IL1RAPL1: variants seen among roughly 807,000 people sequenced by gnomAD.
IL1RAPL1 encodes interleukin-1 receptor accessory protein-like 1.
Under a neutral mutation model 48.4 loss-of-function variants are expected in IL1RAPL1, and 3 were observed. The ratio of observed to expected loss-of-function variants is 0.06; its 90% CI spans 0.03 to 0.16. The LOEUF is 0.16. Ranked by LOEUF, IL1RAPL1 falls within the 10% of genes least tolerant of loss-of-function variation. IL1RAPL1 has a pLI of 1.00. For missense variants in IL1RAPL1, 349 were observed against 530.6 expected (o/e 0.66, Z 3.36); for synonymous variants, 185 against 187.7 (o/e 0.99, Z 0.12).
At position 28,804,139 on chromosome X, in the gene IL1RAPL1, G is replaced by C. The variant is rs140526591; in HGVS notation, c.82+14714G>C. On this transcript the variant is annotated intron_variant, in intron 2 of 10. Coordinates refer to ENST00000378993, the MANE Select transcript of IL1RAPL1 (RefSeq NM_014271.4). ...TTTATAAAATCCATGTATCTGTCAT[G>C]TCTTTGGAACTGGTGGTGCTATAGG... Among the ~76,000 whole-genome samples, 12 of 111,144 alleles carry C rather than the reference G, an allele frequency of 1.1e-4. No homozygotes were observed. In the East Asian group the frequency reaches 3.4e-3, roughly 32 times the overall value.
chrX:29,075,490 A>G (rs1390479089), intron 2 of IL1RAPL1, among the ~76,000 whole-genome samples: 1 of 111,672 alleles, frequency 9.0e-6, no homozygotes, highest in Non-Finnish European at 1.9e-5. Context: ...TTAATTGCCC[A>G]CTCTTGGAAC....
At chrX:29,051,005 A>G (rs1927081079) in intron 2 of IL1RAPL1, among the ~76,000 whole-genome samples, 1 of 112,627 alleles carries the variant, frequency 8.9e-6, no homozygotes, top group Non-Finnish European at 1.9e-5. Flanking sequence ...ATATCTTTAA[A>G]TAACACCATA....
rs752096218 is a variant in IL1RAPL1, at chrX:29,319,516, TTGTATGTA to T, written c.362+36337_362+36344del. On this transcript the variant is annotated intron_variant, in intron 3 of 10. Transcript: ENST00000378993. Reference sequence around the variant, plus strand: ...ACCATGCCTGGACACATGTGATATTTTGTATGTATGTATGTATGTATGTATGTATGTAT... The same window carrying T: ...ACCATGCCTGGACACATGTGATATTTTGTATGTATGTATGTATGTATGTAT... Among the ~76,000 whole-genome samples, 131 of 91,190 alleles carry T rather than the reference TTGTATGTA, an allele frequency of 1.4e-3. 1 individual carries two copies. The South Asian group carries it at 0.032, about 22-fold the overall frequency. The allele number at this position is 91,190 out of a possible 115,157, so 79.2% of individuals were successfully genotyped here.
intron 1 of IL1RAPL1, among the ~76,000 whole-genome samples, chrX:28,723,115 GT>G (rs1203121794): frequency 1.2e-4 from 13 of 111,642 alleles, no homozygotes; most frequent in African/African-American, 4.2e-4. Context: ...CATAAAATGA[GT>G]TAGGGAGGAT....
At chrX:29,509,724 A>C (rs1406422338) in intron 5 of IL1RAPL1, among the ~76,000 whole-genome samples, 1 of 111,625 alleles carries the variant, frequency 9.0e-6, no homozygotes, top group Non-Finnish European at 1.9e-5. Context: ...CCATACAGCT[A>C]TTCAGGAAAA....
rs559337273 is a variant in IL1RAPL1, at chrX:28,949,628, A to T, written c.82+160203A>T. ...GTTTCCTGACTTTTTAATGATTGTC[A>T]TTCTAACTGGTGTGAGATGGTATCT... On this transcript the variant is annotated intron_variant, in intron 2 of 10. Transcript: ENST00000378993. Among the ~76,000 whole-genome samples, 13 of 110,918 alleles carry T rather than the reference A, an allele frequency of 1.2e-4. No homozygotes were observed. The South Asian group carries it at 4.9e-3, about 42-fold the overall frequency.
intron 6 of IL1RAPL1, among the ~76,000 whole-genome samples, chrX:29,877,684 G>C (rs943326677): frequency 3.6e-5 from 4 of 111,701 alleles, no homozygotes; most frequent in African/African-American, 6.5e-5. Context: ...TCCATTAACC[G>C]ATAGAACGAG....
chrX:29,503,526 C>T (rs774526558), intron 5 of IL1RAPL1, among the ~76,000 whole-genome samples: 6 of 111,890 alleles, frequency 5.4e-5, no homozygotes, highest in Admixed American at 9.5e-5. Flanking sequence ...TTTGCTGTGT[C>T]GCATAGATTT....
chrX:28,975,603 A>G (rs1601989591), intron 2 of IL1RAPL1, among the ~76,000 whole-genome samples: 1 of 112,408 alleles, frequency 8.9e-6, no homozygotes, highest in Non-Finnish European at 1.9e-5. Flanking sequence ...CAATCTGCAC[A>G]TGTTCCTGAA....
rs999515661 is a variant in IL1RAPL1, at chrX:29,215,721, CT to C, written c.83-67210del. ...TAACCATGATTTCTTGAGGCTATGT[CT>C]TTTTTTATGACAAAACATGCTGATA... On this transcript the variant is annotated intron_variant, in intron 2 of 10. Transcript: ENST00000378993. 1.5e-4 allele frequency among the ~76,000 whole-genome samples: 17 copies of C among 111,554 alleles called. No homozygotes were observed. In the South Asian group the frequency reaches 1.9e-3, roughly 12 times the overall value.
At chrX:29,528,498 A>G (rs181372362) in intron 5 of IL1RAPL1, among the ~76,000 whole-genome samples, 120 of 112,637 alleles carry the variant, frequency 1.1e-3, no homozygotes, top group Middle Eastern at 9.2e-3. Context: ...TGCTGTGTAA[A>G]AAATTACCAC....
At chrX:29,491,827 A>G (rs951063686) in intron 5 of IL1RAPL1, among the ~76,000 whole-genome samples, 19 of 111,167 alleles carry the variant, frequency 1.7e-4, no homozygotes, top group Non-Finnish European at 2.4e-4. Flanking sequence ...ATAAGTCTGT[A>G]TCCTGTCTAT....
At chrX:29,010,671 A>G (rs1418493597) in intron 2 of IL1RAPL1, among the ~76,000 whole-genome samples, 2 of 112,098 alleles carry the variant, frequency 1.8e-5, no homozygotes, top group East Asian at 5.6e-4. Context: ...CAAAAAATAA[A>G]TAAATAATTT....
intron 5 of IL1RAPL1, among the ~76,000 whole-genome samples, chrX:29,593,597 G>T (rs1440518642): frequency 9.0e-6 from 1 of 111,289 alleles, no homozygotes. Flanking sequence ...AACCAGTTTT[G>T]CCTCCATTTA....
At chrX:29,777,069 A>C (rs750715670) in intron 6 of IL1RAPL1, among the ~76,000 whole-genome samples, 2 of 111,802 alleles carry the variant, frequency 1.8e-5, no homozygotes, top group African/African-American at 3.2e-5. Flanking sequence ...TCCTTCTCTA[A>C]TTTTGGCAGT....
At chrX:29,461,189 C>T (rs180819955) in intron 5 of IL1RAPL1, among the ~76,000 whole-genome samples, 5 of 110,957 alleles carry the variant, frequency 4.5e-5, no homozygotes, top group Admixed American at 2.9e-4. Context: ...TATTCAATAC[C>T]ATTAGTCATT....
At chrX:29,238,437 A>T (rs930416770) in intron 2 of IL1RAPL1, among the ~76,000 whole-genome samples, 1 of 111,921 alleles carries the variant, frequency 8.9e-6, no homozygotes, top group Middle Eastern at 4.2e-3. Flanking sequence ...ATTGATTATT[A>T]TAATTCTGGC....
intron 2 of IL1RAPL1, among the ~76,000 whole-genome samples, chrX:29,056,651 C>T (rs1461306572): frequency 9.0e-6 from 1 of 111,247 alleles, no homozygotes; most frequent in Non-Finnish European, 1.9e-5. Context: ...ATTTTATGTT[C>T]CAGGGTATAT....
chrX:29,591,168 C>T (rs1224029941), intron 5 of IL1RAPL1, among the ~76,000 whole-genome samples: 1 of 111,635 alleles, frequency 9.0e-6, no homozygotes, highest in Non-Finnish European at 1.9e-5. Flanking sequence ...TCTTCACCTG[C>T]AGTTGCTAGG....
Sources: allele counts gnomAD v4.1 joint callset (sites outside exome capture counted in the v4.1 genomes callset), GRCh38; gene constraint gnomAD v4.1.1; transcripts MANE v1.5; gene names NCBI Gene and HGNC (gene_info 2026-07-23, HGNC 2026-07-21).